Variants in NAA15 observed in about 807,000 individuals in gnomAD.
The protein encoded by NAA15 is N-alpha-acetyltransferase 15, NatA auxiliary subunit, also known as N-terminal acetyltransferase.
A neutral mutation model predicts 114.0 loss-of-function variants in NAA15; 34 were observed. That is an observed-to-expected ratio of 0.30 (90% confidence interval 0.23 to 0.40). The LOEUF (loss-of-function observed/expected upper bound fraction) is 0.40, where lower values mean the gene tolerates loss of function less well. Ranked by LOEUF, NAA15 falls within the 10% of genes least tolerant of loss-of-function variation. The probability of loss-of-function intolerance (pLI) is 1.00; values close to 1 mark genes in which losing one functional copy is unlikely to be tolerated. For synonymous variants in NAA15, 340 were observed against 338.0 expected (o/e 1.01, Z -0.06); for missense variants, 658 against 1,004.5 (o/e 0.66, Z 4.66).
At chr4:139,378,974 G>T in intron 17 of NAA15, 120 bp downstream of exon 17, 1 of 615,220 alleles carries the variant, frequency 1.6e-6, no homozygotes. Context: ...TACTAAATTA[G>T]CTAAGGGAAA....
At chr4:139,331,473 G>C (rs1025431291) in intron 1 of NAA15, among the ~76,000 whole-genome samples, 1 of 149,340 alleles carries the variant, frequency 6.7e-6, no homozygotes, top group African/African-American at 2.5e-5. Flanking sequence ...TTGAGACAGA[G>C]TCTGGCCCTG....
Position 139,388,163 on chromosome 4 carries a change from C to A in NAA15, c.*79C>A. 2.6e-6 allele frequency: 3 copies of A among 1,172,638 alleles called. No homozygotes were observed. Among genetic ancestry groups the A allele is most frequent in the Non-Finnish European group, 2.5e-6 (2 of 813,950 alleles). 72.6% of individuals were successfully genotyped at this position (1,172,638 alleles called of 1,614,324 possible). On this transcript the variant is annotated 3_prime_UTR_variant, in exon 20 of 20. Coordinates refer to ENST00000296543, the MANE Select transcript of NAA15 (RefSeq NM_057175.5). ...TTTTTGTCACGCACCTGCTGCATTG[C>A]TCTAACTTACACAGAATGAGAGGAG...
chr4:139,328,886 A>G (rs1235815597), intron 1 of NAA15, among the ~76,000 whole-genome samples: 1 of 119,902 alleles, frequency 8.3e-6, no homozygotes, highest in African/African-American at 3.3e-5. Context: ...TTTTCCTCAG[A>G]CAGAGTCTTG....
chr4:139,315,001 T>TGAGGTTAGGTTAGGTTAGGTTAGGTTAGG (rs1553992509), intron 1 of NAA15, among the ~76,000 whole-genome samples: 2 of 74,354 alleles, frequency 2.7e-5, no homozygotes, highest in African/African-American at 6.6e-5. Context: ...TTCAGTTCAG[T>TGAGGTTAGGTTAGGTTAGGTTAGGTTAGG]TTAGTTTAGG....
At chr4:139,305,060 C>T (rs756399222) in intron 1 of NAA15, among the ~76,000 whole-genome samples, 18 of 152,202 alleles carry the variant, frequency 1.2e-4, no homozygotes, top group Non-Finnish European at 2.5e-4. Flanking sequence ...GGGGGGATCA[C>T]TACAGGGCTA....
At chr4:139,348,970 G>C (rs1747690951) in intron 6 of NAA15, among the ~76,000 whole-genome samples, 1 of 152,152 alleles carries the variant, frequency 6.6e-6, no homozygotes, top group Non-Finnish European at 1.5e-5. Context: ...CTTAAAATAG[G>C]ATGCTTAATT....
rs6849625 is a variant in NAA15 at position 139,349,729 on chromosome 4, A to C, written c.811+148A>C. ...GCCAAGCGCAGTGGCTCGTGCCTGT[A>C]ATCCCAGCACTTTGGGAGGCCGAGG... On this transcript the variant is annotated intron_variant, in intron 7 of 19. Transcript: ENST00000296543. 0.24 allele frequency: 177,649 copies of C among 734,316 alleles called. 23,237 individuals carry two copies. Among genetic ancestry groups the C allele is most frequent in the African/African-American group, 0.35 (18,914 of 53,312 alleles). The allele number at this position is 734,316 out of a possible 1,614,324, so 45.5% of individuals were successfully genotyped here.
intron 3 of NAA15, among the ~76,000 whole-genome samples, chr4:139,337,525 A>T (rs1260256822): frequency 1.3e-5 from 2 of 152,208 alleles, no homozygotes; most frequent in African/African-American, 4.8e-5. Context: ...GATGAGATAT[A>T]TAACATAGCC....
chr4:139,328,114 A>G (rs1441330921), intron 1 of NAA15, among the ~76,000 whole-genome samples: 1 of 138,472 alleles, frequency 7.2e-6, no homozygotes, highest in Non-Finnish European at 1.6e-5. Context: ...CTTCTAGCCC[A>G]CTGATTTTTT....
rs1189760005 is a variant in NAA15, at chr4:139,349,541, C to G, written c.771C>G (p.Asn257Lys). Residue 257 changes from asparagine (N) to lysine (K), a missense_variant, in exon 7 of 20, where the codon AAC becomes AAG. Physicochemically the swap from Asn to Lys is moderately conservative, Grantham distance 94. Around this residue, in one of 6 missense-constraint regions of NAA15, gnomAD observed 281 missense variants for 389.1 expected, o/e 0.72. Coordinates refer to ENST00000296543, the MANE Select transcript of NAA15 (RefSeq NM_057175.5). Reference sequence around the variant, plus strand: ...GATTGCAAGAGAGAAATCCTGAAAACTGGGCCTATTACAAAGGCTTGGAAA... The same window carrying G: ...GATTGCAAGAGAGAAATCCTGAAAAGTGGGCCTATTACAAAGGCTTGGAAA... ...YRGLQERNPE[N>K]WAYYKGLEKA... 5.6e-6 allele frequency: 9 copies of G among 1,611,582 alleles called. No homozygotes were observed. Among genetic ancestry groups the G allele is most frequent in the Non-Finnish European group, 7.6e-6 (9 of 1,179,318 alleles).
intron 8 of NAA15, 41 bp from the exon 9 acceptor site, chr4:139,351,463 AT>A (rs754916386): frequency 4.8e-6 from 6 of 1,244,788 alleles, no homozygotes; most frequent in Non-Finnish European, 4.7e-6. Context: ...ATGTAAGTAA[AT>A]ACTTGATAAA....
At position 139,349,457 on chromosome 4, in the gene NAA15, A is replaced by G. The variant is rs1332992306; in HGVS notation, c.692-5A>G. The G allele has an allele frequency of 6.4e-7, 1 of 1,562,254 alleles. No homozygotes were observed. Among genetic ancestry groups the G allele is most frequent in the African/African-American group, 1.4e-5 (1 of 72,000 alleles). Reference sequence around the variant, plus strand: ...AAAATTTTTTTTTTTTCTGTTTTTAATCAGGGGAACTTCTGTTGCAACTAT... The same window carrying G: ...AAAATTTTTTTTTTTTCTGTTTTTAGTCAGGGGAACTTCTGTTGCAACTAT... On this transcript the variant is annotated splice_region_variant and splice_polypyrimidine_tract_variant and intron_variant, in intron 6 of 19. Coordinates refer to ENST00000296543, the MANE Select transcript of NAA15 (RefSeq NM_057175.5).
chr4:139,328,864 CCTT>C (rs1404958023), intron 1 of NAA15, among the ~76,000 whole-genome samples: 8 of 150,756 alleles, frequency 5.3e-5, no homozygotes, highest in Non-Finnish European at 1.2e-4. Context: ...CTGTGCCCGG[CCTT>C]CTTTTTTTTT....
At position 139,308,086 on chromosome 4, in the gene NAA15, T is replaced by C. The variant is rs565711299; in HGVS notation, c.54+6255T>C. ...ACGCCATTCTCCTGCCTCAGCCTCC[T>C]GAGTAGCTGAGACTACAGGCACCTG... On this transcript the variant is annotated intron_variant, in intron 1 of 19. Transcript: ENST00000296543. Among the ~76,000 whole-genome samples, 1,147 of 152,030 alleles carry C rather than the reference T, an allele frequency of 7.5e-3. 14 individuals carry two copies. Among genetic ancestry groups the C allele is most frequent in the African/African-American group, 0.025 (1,054 of 41,476 alleles).
rs539023792 is a variant in NAA15, at chr4:139,365,458, TC to T, written c.1753+3523del. ...CTTTTACCATGACTCTGAGTTATTT[TC>T]CTCTGAAACCTCAGTTTTCTCGTAT... is the stretch of plus-strand genomic sequence containing the variant. On this transcript the variant is annotated intron_variant, in intron 14 of 19. Coordinates refer to ENST00000296543, the MANE Select transcript of NAA15 (RefSeq NM_057175.5). Among the ~76,000 whole-genome samples, 390 of 152,340 alleles carry T rather than the reference TC, an allele frequency of 2.6e-3. 2 individuals carry two copies. The highest frequency in any genetic ancestry group is 8.2e-3 in the African/African-American group (343 of 41,576).
At chr4:139,343,438 G>A (rs1747479318) in intron 5 of NAA15, among the ~76,000 whole-genome samples, 1 of 152,148 alleles carries the variant, frequency 6.6e-6, no homozygotes, top group Non-Finnish European at 1.5e-5. Flanking sequence ...ATCCAATTAA[G>A]AATCATACCT....
intron 1 of NAA15, among the ~76,000 whole-genome samples, chr4:139,322,579 G>T (rs1324928632): frequency 1.3e-5 from 2 of 152,206 alleles, no homozygotes; most frequent in African/African-American, 2.4e-5. Context: ...TGCCAGCCAT[G>T]CATGAGCACC....
At position 139,342,839 on chromosome 4, in the gene NAA15, A is replaced by G. The variant is rs763311472; in HGVS notation, c.416A>G (p.Gln139Arg). Residue 139 changes from glutamine to arginine, a missense_variant, in exon 5 of 20, where the codon CAG becomes CGG. Physicochemically the swap from Gln to Arg is conservative, Grantham distance 43. Coordinates refer to ENST00000296543, the MANE Select transcript of NAA15 (RefSeq NM_057175.5). ...TTCCTTTTAAAGGAAACGAGGTATC[A>G]GTTACTTCAGCTTCGACCTGCGCAG... is the stretch of plus-strand genomic sequence containing the variant. ...DLEGYRETRY[Q>R]LLQLRPAQRA... 9.9e-6 allele frequency: 16 copies of G among 1,610,390 alleles called. No individual in the cohort carries two copies. The highest frequency in any genetic ancestry group is 1.4e-5 in the Non-Finnish European group (16 of 1,178,932).
At position 139,370,344 on chromosome 4, in the gene NAA15, T is replaced by G; in HGVS notation, c.1887T>G (p.Asp629Glu). 6.3e-7 allele frequency: 1 copy of G among 1,583,958 alleles called. No individual in the cohort carries two copies. Among genetic ancestry groups the G allele is most frequent in the Non-Finnish European group, 8.6e-7 (1 of 1,161,710 alleles). ...AGAGAAATCAGAAAAAGAAGAAGGA[T>G]GATGATGATGAGGAGATAGGAGGTC... The part of the protein sequence containing the change: ...KQQRNQKKKK[D>E]DDDEEIGGPK... Residue 629 changes from aspartate to glutamate, a missense_variant, in exon 15 of 20, where the codon GAT (aspartate) becomes GAG (glutamate). Physicochemically the swap from Asp to Glu is conservative, Grantham distance 45. Transcript: ENST00000296543.
Sources: gnomAD v4.1 joint callset for allele counts (sites outside exome capture counted in the v4.1 genomes callset) on GRCh38, gnomAD v4.1.1 for gene constraint, gnomAD v4.1.1 regional missense constraint, MANE v1.5 for transcripts, NCBI Gene and HGNC (gene_info 2026-07-23, HGNC 2026-07-21) for gene names.